The following LOC128092253 variants were observed in gnomAD, a reference collection of about 807,000 sequenced individuals.
At chr6:133,967,195 A>G in the LOC128092253 span, among the ~76,000 whole-genome samples, 4 of 152,130 alleles carry the variant, frequency 2.6e-5, no homozygotes, top group Non-Finnish European at 4.4e-5. Context: ...CCTATCCCCT[A>G]GTATGGGTCT....
the LOC128092253 span, among the ~76,000 whole-genome samples, chr6:133,968,338 A>G: frequency 4.6e-5 from 7 of 152,226 alleles, no homozygotes; most frequent in Admixed American, 4.6e-4. Context: ...TAAGAAATCT[A>G]TCCAAAATAA....
chr6:133,968,940 C>T, the LOC128092253 span: 2 of 152,144 alleles, frequency 1.3e-5, no homozygotes, highest in African/African-American at 4.8e-5. Flanking sequence ...AGATTACAGG[C>T]GTGAGGCACC....
the LOC128092253 span, among the ~76,000 whole-genome samples, chr6:133,956,666 G>T: frequency 6.6e-6 from 1 of 152,206 alleles, no homozygotes; most frequent in East Asian, 1.9e-4. Context: ...AGCTTAGCTA[G>T]TGGATGAAGG....
the LOC128092253 span, among the ~76,000 whole-genome samples, chr6:133,959,734 C>T: frequency 6.6e-6 from 1 of 152,176 alleles, no homozygotes; most frequent in African/African-American, 2.4e-5. Flanking sequence ...CCCTCTGCCT[C>T]AGCCTCCCAA....
At chr6:133,955,764 A>G in the LOC128092253 span, among the ~76,000 whole-genome samples, 1 of 152,216 alleles carries the variant, frequency 6.6e-6, no homozygotes, top group East Asian at 1.9e-4. Context: ...TTTAAATTGA[A>G]CCTTAGATTT....
the LOC128092253 span, among the ~76,000 whole-genome samples, chr6:133,975,737 TATATG>T: frequency 2.6e-5 from 4 of 152,072 alleles, no homozygotes; most frequent in Admixed American, 6.5e-5. Flanking sequence ...TTAAGAGAAA[TATATG>T]AGAATGATAA....
At chr6:133,964,262 G>A in the LOC128092253 span, among the ~76,000 whole-genome samples, 23 of 152,102 alleles carry the variant, frequency 1.5e-4, no homozygotes, top group Admixed American at 9.2e-4. Context: ...TTTGAGTGAC[G>A]CACCCTTCAA....
At chr6:133,959,550 C>T in the LOC128092253 span, among the ~76,000 whole-genome samples, 1 of 151,990 alleles carries the variant, frequency 6.6e-6, no homozygotes, top group Admixed American at 6.6e-5. Flanking sequence ...GGCGCGATCT[C>T]GGCTCACTGC....
the LOC128092253 span, among the ~76,000 whole-genome samples, chr6:133,962,629 C>G: frequency 6.6e-6 from 1 of 152,124 alleles, no homozygotes; most frequent in African/African-American, 2.4e-5. Context: ...AATATGGATT[C>G]AGATATCTGA....
the LOC128092253 span, among the ~76,000 whole-genome samples, chr6:133,977,136 A>G: frequency 6.6e-6 from 1 of 152,284 alleles, no homozygotes; most frequent in Admixed American, 6.5e-5. Flanking sequence ...ACTGATTGCA[A>G]GTGGACCTTT....
chr6:133,973,106 C>CA, the LOC128092253 span, among the ~76,000 whole-genome samples: 1 of 152,162 alleles, frequency 6.6e-6, no homozygotes, highest in South Asian at 2.1e-4. Flanking sequence ...GAGAGACTGT[C>CA]AAGTAATGTG....
the LOC128092253 span, among the ~76,000 whole-genome samples, chr6:133,974,115 T>A: frequency 0.38 from 57,764 of 151,708 alleles, 13,483 homozygotes; most frequent in Non-Finnish European, 0.55. Context: ...TAAGCCAAAA[T>A]GAACTCATAA....
the LOC128092253 span, among the ~76,000 whole-genome samples, chr6:133,967,348 G>A: frequency 5.9e-5 from 9 of 152,252 alleles, no homozygotes; most frequent in African/African-American, 1.9e-4. Flanking sequence ...CGGGCAAAAG[G>A]TTAATATTCT....
chr6:133,961,201 A>G, the LOC128092253 span, among the ~76,000 whole-genome samples: 1 of 152,298 alleles, frequency 6.6e-6, no homozygotes, highest in Admixed American at 6.5e-5. Context: ...CCATTTTCTC[A>G]GTTGTTCTTA....
the LOC128092253 span, among the ~76,000 whole-genome samples, chr6:133,969,464 A>C: frequency 3.9e-5 from 6 of 152,154 alleles, no homozygotes; most frequent in African/African-American, 1.4e-4. Flanking sequence ...GTAGGTAGTC[A>C]TATGTAATGA....
the LOC128092253 span, among the ~76,000 whole-genome samples, chr6:133,963,414 G>T: frequency 2.9e-4 from 44 of 152,156 alleles, no homozygotes; most frequent in South Asian, 2.1e-3. Context: ...TGTTTCTGTT[G>T]TTTTGTCTTT....
the LOC128092253 span, among the ~76,000 whole-genome samples, chr6:133,959,925 G>C: frequency 3.3e-5 from 5 of 152,168 alleles, no homozygotes; most frequent in Non-Finnish European, 5.9e-5. Flanking sequence ...AACATTTATA[G>C]GGCCTGTTAC....
the LOC128092253 span, among the ~76,000 whole-genome samples, chr6:133,979,564 A>T: frequency 6.6e-6 from 1 of 152,196 alleles, no homozygotes; most frequent in Non-Finnish European, 1.5e-5. Flanking sequence ...AAGGAATGAA[A>T]GTTAGGCCTA....
the LOC128092253 span, among the ~76,000 whole-genome samples, chr6:133,978,930 A>G: frequency 6.6e-6 from 1 of 152,144 alleles, no homozygotes; most frequent in African/African-American, 2.4e-5. Context: ...TCATTTTCTG[A>G]TCTTTTTGTG....
Sources: allele counts gnomAD v4.1 joint callset (sites outside exome capture counted in the v4.1 genomes callset), GRCh38; gene constraint gnomAD v4.1.1; transcripts MANE v1.5.